The following COL18A1 variants were observed in gnomAD, a reference collection of about 807,000 sequenced individuals.
COL18A1 encodes collagen type XVIII alpha 1 chain, also known as collagen alpha-1(XVIII) chain.
A neutral mutation model predicts 168.0 loss-of-function variants in COL18A1; 133 were observed. The ratio of observed to expected loss-of-function variants is 0.79; its 90% CI spans 0.69 to 0.91. COL18A1 has a LOEUF of 0.91. Ranked by LOEUF, COL18A1 falls within the 40% of genes least tolerant of loss-of-function variation. The pLI, the probability that COL18A1 is intolerant of heterozygous loss-of-function variation, is 0.00. For synonymous variants in COL18A1, 949 were observed against 809.0 expected, an observed-to-expected ratio of 1.17 and a Z score of -2.94; for missense variants, 2,126 against 1,925.4, an observed-to-expected ratio of 1.10 and a Z score of -1.95.
rs1568936345 is a variant in COL18A1 at position 45,501,946 on chromosome 21, CT to C, written c.2684-2064del. ...GGTCACCTCCCTCTGCAGAAGGACC[CT>C]CAGGGGCCTCCGCAGCCGGTCACCT... is the stretch of plus-strand genomic sequence containing the variant. On this transcript the variant is annotated intron_variant, in intron 32 of 41. Coordinates refer to ENST00000651438, the MANE Select transcript of COL18A1 (RefSeq NM_001379500.1). Among the ~76,000 whole-genome samples the C allele has an allele frequency of 7.2e-3, 631 of 87,252 alleles. 23 individuals carry two copies. Among genetic ancestry groups the C allele is most frequent in the African/African-American group, 0.011 (236 of 20,526 alleles). The allele number at this position is 87,252 out of a possible 152,430, so 57.2% of individuals were successfully genotyped here.
chr21:45,484,472 CCT>C (rs1348610766), intron 15 of COL18A1, among the ~76,000 whole-genome samples: 1 of 151,216 alleles, frequency 6.6e-6, no homozygotes, highest in Non-Finnish European at 1.5e-5. Flanking sequence ...CACATGCACG[CCT>C]CTCCAGCATA....
intron 26 of COL18A1, 83 bp downstream of exon 26, chr21:45,493,658 T>C (rs969270910): frequency 2.0e-5 from 21 of 1,046,650 alleles, no homozygotes; most frequent in African/African-American, 3.2e-5. Flanking sequence ...TTCCTGAGGG[T>C]CTGGCTCCTG....
rs2036431734 is a variant in COL18A1, at chr21:45,493,546, GCCCT to G, written c.2324_2327del (p.Ala775GlyfsTer41). ...CAGCATCTTCAGCCCCGACGGCGGTGCCCTGGGCCCTGCCCAGAAAGGAGCCAAG... is the reference window on the plus strand; with the variant it reads ...CAGCATCTTCAGCCCCGACGGCGGTGGGGCCCTGCCCAGAAAGGAGCCAAG... On this transcript the variant is annotated frameshift_variant, in exon 26 of 42. Transcript: ENST00000651438. LOFTEE classifies it high-confidence loss of function. The G allele has an allele frequency of 2.6e-6, 4 of 1,558,110 alleles. No homozygotes were observed. The highest frequency in any genetic ancestry group is 1.4e-5 in the African/African-American group (1 of 73,300).
chr21:45,478,068 TC>T (rs2035746078), intron 8 of COL18A1, 103 bp downstream of exon 8: 1 of 763,266 alleles, frequency 1.3e-6, no homozygotes, highest in Non-Finnish European at 2.2e-6. Flanking sequence ...TGAGCTGGGA[TC>T]GGGGCAGGTC....
At chr21:45,442,889 CA>C in intron 2 of COL18A1, among the ~76,000 whole-genome samples, 3 of 131,486 alleles carry the variant, frequency 2.3e-5, no homozygotes, top group African/African-American at 9.2e-5. Context: ...CTGGTGTGGG[CA>C]GCGGTGCTGA....
chr21:45,494,676 T>C, intron 27 of COL18A1, 105 bp downstream of exon 27: 4 of 1,533,660 alleles, frequency 2.6e-6, no homozygotes, highest in Non-Finnish European at 3.6e-6. Context: ...CCAGGGCTCA[T>C]CTCCCTAGTG....
intron 38 of COL18A1, among the ~76,000 whole-genome samples, chr21:45,508,080 ACAGGTGGGTGAGTGGATGGATGGTGGT>A (rs532349071): frequency 0.017 from 2,551 of 146,376 alleles, 41 homozygotes; most frequent in South Asian, 0.036. Flanking sequence ...TAGATGGTGG[ACAGGTGGGTGAGTGGATGGATGGTGGT>A]CAGGCGGGTG....
chr21:45,496,465 G>A (rs557987224), intron 29 of COL18A1, 35 bp from the exon 30 acceptor site: 5 of 949,880 alleles, frequency 5.3e-6, no homozygotes, highest in African/African-American at 4.8e-5. Context: ...TGACAGGCAG[G>A]CCATAAGCCT....
intron 2 of COL18A1, among the ~76,000 whole-genome samples, chr21:45,442,896 GC>G (rs1224627339): frequency 1.3e-4 from 17 of 134,224 alleles, no homozygotes; most frequent in African/African-American, 5.3e-4. Flanking sequence ...GGGCAGCGGT[GC>G]TGATGTGGGT....
In COL18A1 at chr21:45,509,053, T is replaced by G. The variant is rs531043576; in HGVS notation, c.3250-303T>G. On this transcript the variant is annotated intron_variant, in intron 38 of 41. Transcript: ENST00000651438. ...CCGTGTTGAGGTCAGGGGCCCTGAATTGGAGCCGCGGCAAAGGAGAGGGCA... is the reference window on the plus strand; with the variant it reads ...CCGTGTTGAGGTCAGGGGCCCTGAAGTGGAGCCGCGGCAAAGGAGAGGGCA... 1.1e-3 allele frequency among the ~76,000 whole-genome samples: 161 copies of G among 152,164 alleles called. 1 individual carries two copies. Among genetic ancestry groups the G allele is most frequent in the African/African-American group, 3.8e-3 (157 of 41,512 alleles).
chr21:45,453,438 C>T (rs1015648798), intron 2 of COL18A1, among the ~76,000 whole-genome samples: 6 of 152,248 alleles, frequency 3.9e-5, no homozygotes, highest in South Asian at 2.1e-4. Context: ...CACATGCGTG[C>T]GTTTGAGTGA....
intron 2 of COL18A1, among the ~76,000 whole-genome samples, chr21:45,455,175 T>C (rs909522250): frequency 1.3e-5 from 2 of 152,236 alleles, no homozygotes; most frequent in Non-Finnish European, 2.9e-5. Context: ...GATGGGGTCC[T>C]GGCTTGGAGC....
chr21:45,445,175 G>A (rs898604499), intron 2 of COL18A1, among the ~76,000 whole-genome samples: 1 of 152,154 alleles, frequency 6.6e-6, no homozygotes, highest in African/African-American at 2.4e-5. Context: ...CCTGGGTTCC[G>A]TCTTCTGAGC....
At chr21:45,466,984 G>A (rs1299016084) in intron 2 of COL18A1, among the ~76,000 whole-genome samples, 6 of 152,234 alleles carry the variant, frequency 3.9e-5, no homozygotes, top group Admixed American at 3.9e-4. Context: ...CCATCTGGAT[G>A]GACGATCATT....
intron 41 of COL18A1, among the ~76,000 whole-genome samples, chr21:45,511,698 A>G (rs2037618549): frequency 6.6e-6 from 1 of 151,476 alleles, no homozygotes; most frequent in African/African-American, 2.4e-5. Context: ...TTCTTCCAAC[A>G]CTCATGCATT....
At chr21:45,495,034 TC>T in intron 28 of COL18A1, 119 bp downstream of exon 28, 1 of 910,770 alleles carries the variant, frequency 1.1e-6, no homozygotes, top group Middle Eastern at 3.2e-4. Context: ...CCCACTGTCC[TC>T]CCCCAAGAAC....
intron 41 of COL18A1, among the ~76,000 whole-genome samples, chr21:45,511,541 G>A (rs541679835): frequency 3.3e-5 from 5 of 152,030 alleles, no homozygotes; most frequent in Non-Finnish European, 5.9e-5. Flanking sequence ...GCAGCGCAGC[G>A]AGTTTATTCA....
Position 45,492,254 on chromosome 21 carries a change from C to T in COL18A1, c.2158-281C>T, listed in dbSNP as rs544312527. 2.0e-5 allele frequency among the ~76,000 whole-genome samples: 3 copies of T among 152,314 alleles called. No homozygotes were observed. In the South Asian group the frequency reaches 6.2e-4, roughly 32 times the overall value. ...AAGCCTCCCGTAGGCCGAGCCACCT[C>T]CGCCGGCAAGCAAGGGAGCGTCTAG... On this transcript the variant is annotated intron_variant, in intron 22 of 41. Coordinates refer to ENST00000651438, the MANE Select transcript of COL18A1 (RefSeq NM_001379500.1).
rs781308033 is a variant in COL18A1, at chr21:45,505,938, G to C, written c.3188G>C (p.Arg1063Pro). ...GCCGAGCAGGAGGAGCTCTACGTCC[G>C]CGTGCAGAACGGGTTCCGGAAGGTC... ...FVAEQEELYV[R>P]VQNGFRKVQL... The change falls in exon 37 of 42, where the codon CGC becomes CCC. Residue 1063 changes from arginine to proline, a missense_variant. By Grantham distance (103) the Arg-to-Pro change is moderately radical (BLOSUM62 -2). Coordinates refer to ENST00000651438, the MANE Select transcript of COL18A1 (RefSeq NM_001379500.1). 2 of 1,613,236 alleles carry C rather than the reference G, an allele frequency of 1.2e-6. No individual in the cohort carries two copies. Among genetic ancestry groups the C allele is most frequent in the Admixed American group, 3.3e-5 (2 of 60,022 alleles).
Sources: allele counts gnomAD v4.1 joint callset (sites outside exome capture counted in the v4.1 genomes callset), GRCh38; gene constraint gnomAD v4.1.1; transcripts MANE v1.5; gene names NCBI Gene and HGNC (gene_info 2026-07-23, HGNC 2026-07-21).